PLD5: variants seen among roughly 807,000 people sequenced by gnomAD.
PLD5 encodes the protein inactive phospholipase D5.
PLD5 carries 36 observed loss-of-function variants against 61.1 expected under a neutral mutation model. The ratio of observed to expected loss-of-function variants is 0.59; its 90% CI spans 0.45 to 0.78. The LOEUF is 0.78. Ranked by LOEUF, PLD5 falls within the 30% of genes least tolerant of loss-of-function variation. The probability of loss-of-function intolerance (pLI) is 0.00; values close to 1 mark genes in which losing one functional copy is unlikely to be tolerated. For missense variants in PLD5, 515 were observed against 644.4 expected, an observed-to-expected ratio of 0.80 and a Z score of 2.17; for synonymous variants, 243 against 242.8, an observed-to-expected ratio of 1.00 and a Z score of -0.01.
chr1:242,460,460 A>C (rs1667083596), intron 1 of PLD5, among the ~76,000 whole-genome samples: 1 of 152,170 alleles, frequency 6.6e-6, no homozygotes, highest in Non-Finnish European at 1.5e-5. Context: ...TGAATTACAA[A>C]ATCAGAAGGT....
At chr1:242,417,535 A>G (rs1664898089) in intron 1 of PLD5, among the ~76,000 whole-genome samples, 1 of 152,218 alleles carries the variant, frequency 6.6e-6, no homozygotes, top group Admixed American at 6.5e-5. Flanking sequence ...CTGCTACACT[A>G]AGCACACTGT....
intron 2 of PLD5, among the ~76,000 whole-genome samples, chr1:242,308,193 C>G (rs1480365318): frequency 6.6e-6 from 1 of 152,044 alleles, no homozygotes; most frequent in Non-Finnish European, 1.5e-5. Context: ...CTTCCAATCA[C>G]CTTCTAATTT....
intron 5 of PLD5, among the ~76,000 whole-genome samples, chr1:242,142,889 C>T (rs1345634862): frequency 6.6e-6 from 1 of 151,796 alleles, no homozygotes; most frequent in South Asian, 2.1e-4. Flanking sequence ...ACCATGTTGG[C>T]TGATTTTTAG....
At chr1:242,449,541 T>G in intron 1 of PLD5, 1 of 1,458,204 alleles carries the variant, frequency 6.9e-7, no homozygotes, top group Non-Finnish European at 9.0e-7. Context: ...TCAGCCAAAC[T>G]GAGCACGAAG....
At chr1:242,253,158 C>T (rs572353639) in intron 4 of PLD5, among the ~76,000 whole-genome samples, 2 of 134,484 alleles carry the variant, frequency 1.5e-5, no homozygotes, top group South Asian at 2.5e-4. Flanking sequence ...CTCACTCTAT[C>T]GCCTGGCTGG....
intron 1 of PLD5, among the ~76,000 whole-genome samples, chr1:242,432,787 A>T (rs1470522667): frequency 6.6e-6 from 1 of 152,164 alleles, no homozygotes; most frequent in Admixed American, 6.5e-5. Context: ...ATGGAAAACC[A>T]CAGGGGAAAA....
At chr1:242,092,501 C>T (rs764112312) in intron 9 of PLD5, among the ~76,000 whole-genome samples, 8 of 152,106 alleles carry the variant, frequency 5.3e-5, no homozygotes, top group African/African-American at 9.7e-5. Flanking sequence ...AAATTATCTT[C>T]GAAATTACCA....
chr1:242,278,926 C>T (rs1358487349), intron 3 of PLD5, among the ~76,000 whole-genome samples: 27 of 152,156 alleles, frequency 1.8e-4, no homozygotes, highest in Admixed American at 1.6e-3. Flanking sequence ...GCACTCTTTC[C>T]GTGAGGTTAT....
chr1:242,487,191 C>T (rs1325472347), intron 1 of PLD5, among the ~76,000 whole-genome samples: 1 of 151,712 alleles, frequency 6.6e-6, no homozygotes, highest in African/African-American at 2.4e-5. Flanking sequence ...TGCACATGTA[C>T]CCTAAAACTT....
At chr1:242,260,346 C>CAAAAA (rs58683643) in intron 4 of PLD5, among the ~76,000 whole-genome samples, 1 of 120,372 alleles carries the variant, frequency 8.3e-6, no homozygotes, top group South Asian at 2.5e-4. Context: ...GACTCCGTCT[C>CAAAAA]AAAAAAAAAA....
At chr1:242,231,398 C>G (rs1418298709) in intron 4 of PLD5, among the ~76,000 whole-genome samples, 1 of 152,146 alleles carries the variant, frequency 6.6e-6, no homozygotes, top group African/African-American at 2.4e-5. Context: ...GGATGGAGAT[C>G]CAGTAGCTTT....
intron 4 of PLD5, among the ~76,000 whole-genome samples, chr1:242,234,340 C>G (rs1425611792): frequency 6.6e-6 from 1 of 152,162 alleles, no homozygotes; most frequent in African/African-American, 2.4e-5. Context: ...TCTTAAGGAG[C>G]CCCACATCTT....
At chr1:242,241,910 T>TACACAC (rs1553334448) in intron 4 of PLD5, among the ~76,000 whole-genome samples, 1 of 50,402 alleles carries the variant, frequency 2.0e-5, no homozygotes, top group Non-Finnish European at 3.7e-5. Flanking sequence ...TATATATATA[T>TACACAC]ACTTACTGTA....
intron 4 of PLD5, among the ~76,000 whole-genome samples, chr1:242,228,126 G>A (rs527703516): frequency 2.0e-5 from 3 of 152,298 alleles, no homozygotes; most frequent in South Asian, 2.1e-4. Context: ...ACTTGCACAC[G>A]AGGAAGATGG....
chr1:242,192,570 C>A (rs541930529), intron 5 of PLD5, among the ~76,000 whole-genome samples: 1 of 152,124 alleles, frequency 6.6e-6, no homozygotes, highest in Admixed American at 6.5e-5. Context: ...GGAAAAAAAA[C>A]ATTTTCCTCC....
chr1:242,174,878 G>A (rs917666438), intron 5 of PLD5, among the ~76,000 whole-genome samples: 7 of 152,074 alleles, frequency 4.6e-5, no homozygotes, highest in Non-Finnish European at 1.0e-4. Flanking sequence ...GAAGGGGAAC[G>A]TCACACACCG....
intron 5 of PLD5, among the ~76,000 whole-genome samples, chr1:242,201,224 T>C (rs1367146474): frequency 6.6e-6 from 1 of 151,908 alleles, no homozygotes; most frequent in East Asian, 1.9e-4. Flanking sequence ...GAATTGGTGT[T>C]GGTGAATTCA....
At chr1:242,091,952 G>A (rs906203491) in intron 9 of PLD5, among the ~76,000 whole-genome samples, 2 of 150,534 alleles carry the variant, frequency 1.3e-5, no homozygotes, top group Admixed American at 6.7e-5. Flanking sequence ...TCAGCCTCCT[G>A]AGTAACTGGG....
intron 5 of PLD5, among the ~76,000 whole-genome samples, chr1:242,168,846 G>GTTTTTTTTTTTTTTTTTTTTTTTTTT (rs34280777): frequency 3.6e-5 from 4 of 111,278 alleles, no homozygotes; most frequent in African/African-American, 1.5e-4. Flanking sequence ...AATTAATGAA[G>GTTTTTTTTTTTTTTTTTTTTTTTTTT]TTTTTTTTTT....
Sources: gnomAD v4.1 joint callset for allele counts (sites outside exome capture counted in the v4.1 genomes callset) on GRCh38, gnomAD v4.1.1 for gene constraint, MANE v1.5 for transcripts, NCBI Gene and HGNC (gene_info 2026-07-23, HGNC 2026-07-21) for gene names.